The following BBS12 variants were observed in gnomAD, a reference collection of about 807,000 sequenced individuals.
BBS12 encodes chaperonin-containing T-complex member BBS12.
Under a neutral mutation model 5.6 loss-of-function variants are expected in BBS12, and 5 were observed. The observed-to-expected ratio is 0.89, with a 90% CI of 0.46 to 1.86. The LOEUF is 1.86. Ranked by LOEUF, BBS12 falls within the 40% of genes most tolerant of loss-of-function variation. The pLI is 0.01. For synonymous variants in BBS12, 308 were observed against 306.8 expected (o/e 1.00, Z -0.04); for missense variants, 748 against 830.4 (o/e 0.90, Z 1.22).
the BBS12 span, among the ~76,000 whole-genome samples, chr4:122,707,054 C>CTCTTT: frequency 8.9e-3 from 643 of 72,300 alleles, 26 homozygotes; most frequent in African/African-American, 0.018. Context: ...CTCTCTCTCT[C>CTCTTT]TTTTTTTTTT....
At chr4:122,733,463 A>G (rs934456024) in intron 1 of BBS12, among the ~76,000 whole-genome samples, 3 of 148,096 alleles carry the variant, frequency 2.0e-5, no homozygotes, top group South Asian at 2.1e-4. Flanking sequence ...AGATTTGGCC[A>G]GTTGTCAACG....
At chr4:122,716,673 GTATATATACACA>G in the BBS12 span, among the ~76,000 whole-genome samples, 1 of 94,730 alleles carries the variant, frequency 1.1e-5, no homozygotes, top group South Asian at 2.6e-4. Context: ...ACACATATGT[GTATATATACACA>G]TATGTGTATG....
At chr4:122,737,074 T>C (rs986011571) in intron 1 of BBS12, among the ~76,000 whole-genome samples, 1 of 152,204 alleles carries the variant, frequency 6.6e-6, no homozygotes, top group Admixed American at 6.5e-5. Flanking sequence ...TAAATACAGA[T>C]TAAATTTGAA....
chr4:122,719,335 G>A, the BBS12 span, among the ~76,000 whole-genome samples: 1 of 152,128 alleles, frequency 6.6e-6, no homozygotes, highest in African/African-American at 2.4e-5. Flanking sequence ...GGACATGGGT[G>A]GGGCCAAATA....
the BBS12 span, among the ~76,000 whole-genome samples, chr4:122,724,973 A>T: frequency 6.6e-6 from 1 of 151,824 alleles, no homozygotes; most frequent in Admixed American, 6.6e-5. Context: ...CAATGCCATG[A>T]TTTTTTTTTA....
At chr4:122,707,867 A>G in the BBS12 span, among the ~76,000 whole-genome samples, 33 of 152,156 alleles carry the variant, frequency 2.2e-4, no homozygotes, top group Non-Finnish European at 1.3e-4. Context: ...TCTTAGCTCC[A>G]CGTACCCAAA....
At chr4:122,727,989 G>A (rs377024364), upstream of BBS12, among the ~76,000 whole-genome samples, 10 of 152,280 alleles carry the variant, frequency 6.6e-5, no homozygotes, top group African/African-American at 2.4e-4. Context: ...AAAAATGTAT[G>A]ATTTGCAACT....
the BBS12 span, among the ~76,000 whole-genome samples, chr4:122,722,804 T>C: frequency 6.6e-6 from 1 of 152,140 alleles, no homozygotes; most frequent in South Asian, 2.1e-4. Context: ...GCAAATAAGA[T>C]TTTATATCTT....
chr4:122,741,558 C>G (rs1181155858), intron 1 of BBS12, among the ~76,000 whole-genome samples: 1 of 152,100 alleles, frequency 6.6e-6, no homozygotes, highest in Non-Finnish European at 1.5e-5. Context: ...GTTTTTTTCA[C>G]ATATATGTAC....
chr4:122,702,767 T>C, the BBS12 span, among the ~76,000 whole-genome samples: 4 of 152,302 alleles, frequency 2.6e-5, no homozygotes, highest in South Asian at 6.2e-4. Flanking sequence ...AAGAGGTCTG[T>C]AAGTCTGCCC....
the BBS12 span, among the ~76,000 whole-genome samples, chr4:122,711,699 G>C: frequency 6.6e-6 from 1 of 152,170 alleles, no homozygotes; most frequent in African/African-American, 2.4e-5. Flanking sequence ...GTTGTATCAT[G>C]TTAGTTGTAT....
chr4:122,716,644 CGTGTGTGT>C, the BBS12 span, among the ~76,000 whole-genome samples: 2 of 95,236 alleles, frequency 2.1e-5, no homozygotes, highest in African/African-American at 3.6e-5. Context: ...TATATACACA[CGTGTGTGT>C]ATATGCACAT....
rs1560708733 is a variant in BBS12, at chr4:122,743,704, T to A, written c.1812T>A (p.Tyr604Ter). The change falls in exon 2 of 2, where the codon TAT (tyrosine) becomes TAA (stop). Residue 604 changes from tyrosine to a stop codon, truncating the protein, a stop_gained. Transcript: ENST00000314218. LOFTEE classifies it low-confidence loss of function (END_TRUNC). ...AGAAATACCTTTCAACTCTCCTATA[T>A]AACACTGCCAATTACTCATCAGAAT... ...GWQKYLSTLLYNTANYSSEFE... is the reference protein window; with the variant it reads ...GWQKYLSTLL The A allele has an allele frequency of 6.2e-7, 1 of 1,614,230 alleles. No homozygotes were observed. The highest frequency in any genetic ancestry group is 8.5e-7 in the Non-Finnish European group (1 of 1,180,046).
upstream of BBS12, chr4:122,730,077 T>A (rs1454170884): frequency 6.6e-6 from 1 of 152,248 alleles, no homozygotes; most frequent in Non-Finnish European, 1.5e-5. Flanking sequence ...ATTTTGAATT[T>A]TCTTTATAAC....
chr4:122,725,608 T>C, the BBS12 span, among the ~76,000 whole-genome samples: 3 of 152,094 alleles, frequency 2.0e-5, no homozygotes, highest in Non-Finnish European at 4.4e-5. Flanking sequence ...TATATAAAAA[T>C]CAACTCAAGG....
chr4:122,706,176 TTC>T, the BBS12 span, among the ~76,000 whole-genome samples: 2 of 151,970 alleles, frequency 1.3e-5, no homozygotes, highest in Non-Finnish European at 2.9e-5. Flanking sequence ...GCTCTGCACT[TTC>T]TCTCTCTCTG....
chr4:122,720,804 A>C, the BBS12 span, among the ~76,000 whole-genome samples: 1 of 152,022 alleles, frequency 6.6e-6, no homozygotes, highest in Non-Finnish European at 1.5e-5. Context: ...ATGTAAAATA[A>C]AATTATGAAG....
At chr4:122,724,585 A>C in the BBS12 span, among the ~76,000 whole-genome samples, 1 of 152,162 alleles carries the variant, frequency 6.6e-6, no homozygotes, top group Admixed American at 6.5e-5. Context: ...CCTTTTTTAA[A>C]TAATAAAATT....
At chr4:122,719,646 C>T in the BBS12 span, among the ~76,000 whole-genome samples, 1 of 152,106 alleles carries the variant, frequency 6.6e-6, no homozygotes, top group Admixed American at 6.5e-5. Context: ...AGACCATGAA[C>T]CCACTGGAAG....
Sources: gnomAD v4.1 joint callset for allele counts (sites outside exome capture counted in the v4.1 genomes callset) on GRCh38, gnomAD v4.1.1 for gene constraint, MANE v1.5 for transcripts, NCBI Gene and HGNC (gene_info 2026-07-23, HGNC 2026-07-21) for gene names.